NDST3: variants seen among roughly 807,000 people sequenced by gnomAD.
NDST3 encodes N-deacetylase and N-sulfotransferase 3, also known as bifunctional heparan sulfate N-deacetylase/N-sulfotransferase 3.
Under a neutral mutation model 96.1 loss-of-function variants are expected in NDST3, and 58 were observed. The observed-to-expected ratio is 0.60, with a 90% CI of 0.49 to 0.75. The LOEUF (loss-of-function observed/expected upper bound fraction) is 0.75. Among genes scored for constraint, NDST3 ranks in the 30% least tolerant of loss-of-function variants. The pLI, the probability that NDST3 is intolerant of heterozygous loss-of-function variation, is 0.00. For missense variants in NDST3, 788 were observed against 1,034.2 expected (o/e 0.76, Z 3.27); for synonymous variants, 333 against 359.7 (o/e 0.93, Z 0.84).
At chr4:118,058,148 G>A (rs1310887297) in intron 2 of NDST3, among the ~76,000 whole-genome samples, 1 of 151,818 alleles carries the variant, frequency 6.6e-6, no homozygotes, top group African/African-American at 2.4e-5. Flanking sequence ...AAAAGAATGT[G>A]AGAAAATCAA....
chr4:118,070,239 T>C (rs772074732), intron 2 of NDST3, among the ~76,000 whole-genome samples: 51 of 152,144 alleles, frequency 3.4e-4, no homozygotes, highest in Non-Finnish European at 6.8e-4. Context: ...CTTTAAAACA[T>C]TACTAAGGAA....
intron 6 of NDST3, among the ~76,000 whole-genome samples, chr4:118,155,090 T>C (rs1298592434): frequency 1.3e-5 from 2 of 152,238 alleles, no homozygotes; most frequent in Non-Finnish European, 2.9e-5. Context: ...ATATTACTTA[T>C]AAAATGGTAA....
chr4:118,198,191 C>A (rs1261935309), intron 6 of NDST3, among the ~76,000 whole-genome samples: 3 of 152,088 alleles, frequency 2.0e-5, no homozygotes, highest in African/African-American at 4.8e-5. Context: ...CTTACCCCTG[C>A]CATTTTGTGA....
At chr4:118,069,318 G>A (rs1435036481) in intron 2 of NDST3, among the ~76,000 whole-genome samples, 3 of 152,034 alleles carry the variant, frequency 2.0e-5, no homozygotes, top group African/African-American at 7.2e-5. Context: ...AATTACAAAA[G>A]AGATCTGAGG....
chr4:118,055,261 A>G, intron 2 of NDST3: 1 of 234,532 alleles, frequency 4.3e-6, no homozygotes, highest in South Asian at 5.6e-5. Context: ...AATTTGTCTT[A>G]ATGATAATAA....
chr4:118,192,941 G>A (rs1193203597), intron 6 of NDST3, among the ~76,000 whole-genome samples: 4 of 152,146 alleles, frequency 2.6e-5, no homozygotes, highest in South Asian at 2.1e-4. Flanking sequence ...AGGGAACAGA[G>A]AAGAAATGGT....
chr4:118,222,187 A>G (rs1008917140), intron 6 of NDST3, among the ~76,000 whole-genome samples: 1 of 151,962 alleles, frequency 6.6e-6, no homozygotes, highest in Non-Finnish European at 1.5e-5. Context: ...GACATTATAA[A>G]TGTCATAGGT....
intron 3 of NDST3, among the ~76,000 whole-genome samples, chr4:118,112,818 T>C (rs1730748937): frequency 6.6e-6 from 1 of 152,166 alleles, no homozygotes; most frequent in Non-Finnish European, 1.5e-5. Context: ...CCTTTCTCAC[T>C]ATGAAGCTTC....
At chr4:118,180,350 T>C (rs960486121) in intron 6 of NDST3, among the ~76,000 whole-genome samples, 6 of 152,138 alleles carry the variant, frequency 3.9e-5, no homozygotes, top group Non-Finnish European at 5.9e-5. Flanking sequence ...AGTGAGAATA[T>C]GTGGTATTTG....
intron 2 of NDST3, among the ~76,000 whole-genome samples, chr4:118,084,182 G>A (rs950646160): frequency 2.0e-5 from 3 of 151,832 alleles, no homozygotes; most frequent in South Asian, 2.1e-4. Flanking sequence ...ACTGTATTTC[G>A]GATTCCTGCT....
intron 6 of NDST3, chr4:118,193,904 T>C (rs1195436252): frequency 3.1e-6 from 3 of 982,160 alleles, no homozygotes; most frequent in Non-Finnish European, 4.8e-6. Context: ...AATCCTCTTA[T>C]ATTATAGTAA....
intron 4 of NDST3, among the ~76,000 whole-genome samples, chr4:118,118,952 T>C (rs1004905051): frequency 2.6e-5 from 4 of 152,090 alleles, no homozygotes; most frequent in Non-Finnish European, 5.9e-5. Flanking sequence ...TTTTGGAAAA[T>C]GGTGGTGGTT....
At chr4:118,209,387 C>T (rs183220199) in intron 6 of NDST3, among the ~76,000 whole-genome samples, 112 of 152,174 alleles carry the variant, frequency 7.4e-4, no homozygotes, top group Non-Finnish European at 6.6e-4. Flanking sequence ...CAGAATAATA[C>T]AGAAAGAACA....
intron 6 of NDST3, among the ~76,000 whole-genome samples, chr4:118,199,287 C>G (rs1387525107): frequency 6.6e-6 from 1 of 152,078 alleles, no homozygotes; most frequent in Non-Finnish European, 1.5e-5. Flanking sequence ...TTTCAAATAG[C>G]CTGTTTTCAA....
chr4:118,215,914 A>G (rs934988556), intron 6 of NDST3, among the ~76,000 whole-genome samples: 2 of 152,056 alleles, frequency 1.3e-5, no homozygotes, highest in African/African-American at 4.8e-5. Context: ...GCCTCCAGAG[A>G]GGGATGAAAG....
intron 7 of NDST3, among the ~76,000 whole-genome samples, chr4:118,224,977 TAGA>T (rs1739784759): frequency 6.6e-6 from 1 of 151,918 alleles, no homozygotes; most frequent in Admixed American, 6.6e-5. Flanking sequence ...GCTGGAAGAG[TAGA>T]AGATGGTAAA....
At chr4:118,041,818 T>G (rs1724482276) in intron 1 of NDST3, among the ~76,000 whole-genome samples, 1 of 152,198 alleles carries the variant, frequency 6.6e-6, no homozygotes, top group Admixed American at 6.5e-5. Flanking sequence ...TCATTTCTTT[T>G]TGAAAAATTT....
At chr4:118,042,927 G>A (rs569925809) in intron 1 of NDST3, among the ~76,000 whole-genome samples, 48 of 152,184 alleles carry the variant, frequency 3.2e-4, no homozygotes, top group African/African-American at 1.1e-3. Flanking sequence ...AGTCTATACT[G>A]CATAAATCAC....
intron 2 of NDST3, among the ~76,000 whole-genome samples, chr4:118,070,796 A>C: frequency 6.8e-6 from 1 of 147,800 alleles, no homozygotes; most frequent in African/African-American, 2.5e-5. Context: ...ATCCCTCCCC[A>C]CTCCCCCCAC....
Sources: gnomAD v4.1 joint callset for allele counts (sites outside exome capture counted in the v4.1 genomes callset) on GRCh38, gnomAD v4.1.1 for gene constraint, MANE v1.5 for transcripts, NCBI Gene and HGNC (gene_info 2026-07-23, HGNC 2026-07-21) for gene names.